Variants in MRPL30 observed in about 807,000 individuals in gnomAD.
MRPL30 encodes mitochondrial ribosomal protein L30.
Under a neutral mutation model 17.2 loss-of-function variants are expected in MRPL30, and 10 were observed. That is an observed-to-expected ratio of 0.58 (90% CI 0.36 to 0.99). The LOEUF (loss-of-function observed/expected upper bound fraction) is 0.99. Among genes scored for constraint, MRPL30 ranks in the 50% least tolerant of loss-of-function variants. The pLI is 0.01. For missense variants in MRPL30, 170 were observed against 189.8 expected, an observed-to-expected ratio of 0.90 and a Z score of 0.61; for synonymous variants, 61 against 62.1, an observed-to-expected ratio of 0.98 and a Z score of 0.08.
intron 3 of MRPL30, among the ~76,000 whole-genome samples, chr2:99,191,854 G>A (rs1266181183): frequency 5.3e-5 from 8 of 152,040 alleles, no homozygotes; most frequent in Non-Finnish European, 2.9e-5. Context: ...TACTTTTCGT[G>A]CTTTTTTCTA....
chr2:99,186,312 T>C, intron 2 of MRPL30, 58 bp downstream of exon 2: 1 of 1,482,084 alleles, frequency 6.7e-7, no homozygotes, highest in Non-Finnish European at 9.4e-7. Flanking sequence ...TTTTTTTTAA[T>C]CATTACAAGG....
At position 99,196,118 on chromosome 2, in the gene MRPL30, C is replaced by T; in HGVS notation, c.*413C>T. ...AAAATTTTTTTTTCACTGACTAAAC[C>T]TGCTGCAGCTCTCTTTTACTACAGA... is the stretch of plus-strand genomic sequence containing the variant. On this transcript the variant is annotated 3_prime_UTR_variant, in exon 6 of 6. Transcript: ENST00000338148. The T allele has an allele frequency of 5.4e-6, 1 of 184,534 alleles. No homozygotes were observed. The highest frequency in any genetic ancestry group is 9.8e-5 in the South Asian group (1 of 10,196). 11.4% of individuals were successfully genotyped at this position (184,534 alleles called of 1,614,324 possible).
intron 2 of MRPL30, among the ~76,000 whole-genome samples, chr2:99,187,763 G>C (rs965925797): frequency 6.6e-6 from 1 of 152,154 alleles, no homozygotes; most frequent in Non-Finnish European, 1.5e-5. Flanking sequence ...AGGAGGCAGA[G>C]GTTGCAGTGA....
chr2:99,188,155 A>G, intron 2 of MRPL30, 22 bp from the exon 3 acceptor site: 1 of 1,538,146 alleles, frequency 6.5e-7, no homozygotes, highest in Non-Finnish European at 8.8e-7. Context: ...CTAAAAAACA[A>G]ATGATTTATA....
chr2:99,188,514 A>G (rs892692828), intron 3 of MRPL30, among the ~76,000 whole-genome samples: 1 of 152,118 alleles, frequency 6.6e-6, no homozygotes. Flanking sequence ...TGGTTTGTAC[A>G]TGTGTGTTGG....
intron 1 of MRPL30, 133 bp from the exon 2 acceptor site, chr2:99,186,044 A>G (rs753329670): frequency 5.9e-5 from 36 of 611,408 alleles, no homozygotes; most frequent in Non-Finnish European, 9.4e-5. Flanking sequence ...CCCTTATTAT[A>G]TTAAAATAAC....
chr2:99,191,317 C>G (rs1220832800), intron 3 of MRPL30, among the ~76,000 whole-genome samples: 2 of 152,154 alleles, frequency 1.3e-5, no homozygotes, highest in East Asian at 3.9e-4. Flanking sequence ...TGCCTATCGT[C>G]TGAACTTATT....
intron 1 of MRPL30, chr2:99,185,896 A>T (rs1291238040): frequency 1.8e-5 from 8 of 441,010 alleles, no homozygotes; most frequent in Admixed American, 3.2e-5. Flanking sequence ...ATCTGCCTTC[A>T]TTGTTGAAGA....
At chr2:99,181,400 G>T (rs909107855) in intron 1 of MRPL30, among the ~76,000 whole-genome samples, 151 bp downstream of exon 1, 3 of 152,118 alleles carry the variant, frequency 2.0e-5, no homozygotes, top group Non-Finnish European at 4.4e-5. Context: ...CGTCACATTG[G>T]CTCCCGTAAG....
intron 2 of MRPL30, among the ~76,000 whole-genome samples, chr2:99,187,771 T>C (rs2093936423): frequency 6.6e-6 from 1 of 151,634 alleles, no homozygotes; most frequent in South Asian, 2.1e-4. Context: ...GAGGTTGCAG[T>C]GAGCCGAGAT....
chr2:99,182,906 A>G (rs1010714511), intron 1 of MRPL30, among the ~76,000 whole-genome samples: 4 of 152,232 alleles, frequency 2.6e-5, no homozygotes, highest in African/African-American at 9.6e-5. Context: ...CATGCACTAA[A>G]CAACAAAACC....
chr2:99,194,880 A>T lies in MRPL30; in HGVS notation c.262A>T (p.Met88Leu), dbSNP rs1352886655. Residue 88 changes from methionine (M) to leucine (L), a missense_variant, in exon 4 of 6, where the codon ATG becomes TTG. Met to Leu is a conservative substitution (Grantham distance 15). Transcript: ENST00000338148. ...ATATTGGGAAAAAGATATAATAAAG[A>T]TGCTTGGATTAGAAAAAGTATGCAA... ...RPYWEKDIIK[M>L]LGLEKAHTPQ... 1.3e-6 allele frequency: 2 copies of T among 1,571,398 alleles called. No homozygotes were observed. Among genetic ancestry groups the T allele is most frequent in the Non-Finnish European group, 8.6e-7 (1 of 1,162,232 alleles).
At chr2:99,181,420 C>A (rs990633837) in intron 1 of MRPL30, among the ~76,000 whole-genome samples, 171 bp downstream of exon 1, 1 of 152,170 alleles carries the variant, frequency 6.6e-6, no homozygotes, top group African/African-American at 2.4e-5. Context: ...GGCCATTGGC[C>A]TGCAGGATCC....
chr2:99,193,429 A>G (rs1190102849), intron 3 of MRPL30, among the ~76,000 whole-genome samples: 2 of 152,192 alleles, frequency 1.3e-5, no homozygotes, highest in Non-Finnish European at 2.9e-5. Flanking sequence ...TTAAAATACC[A>G]TCTTTTTGGG....
At position 99,197,332 on chromosome 2, in the gene MRPL30, A is replaced by G. The variant is rs1168032540; in HGVS notation, c.*1627A>G. On this transcript the variant is annotated 3_prime_UTR_variant, in exon 6 of 6. Transcript: ENST00000338148. ...TGACATTGTCATGCTTATTGTCCCAATATCCATCCTGTCGTAGATCTTAAT... is the reference window on the plus strand; with the variant it reads ...TGACATTGTCATGCTTATTGTCCCAGTATCCATCCTGTCGTAGATCTTAAT... 2 of 152,236 alleles carry G rather than the reference A, an allele frequency of 1.3e-5. No individual in the cohort carries two copies. The highest frequency in any genetic ancestry group is 2.4e-5 in the African/African-American group (1 of 41,442). 9.4% of individuals were successfully genotyped at this position (152,236 alleles called of 1,614,324 possible). A position where few individuals can be genotyped will look rare whatever the true frequency, so the allele number is the denominator to read the frequency against.
intron 3 of MRPL30, among the ~76,000 whole-genome samples, chr2:99,190,885 C>T (rs1004941967): frequency 1.3e-4 from 20 of 152,114 alleles, no homozygotes; most frequent in Non-Finnish European, 2.6e-4. Flanking sequence ...ATGTAACAAA[C>T]CTGCACATCC....
chr2:99,184,101 T>G (rs1474220504), intron 1 of MRPL30, among the ~76,000 whole-genome samples: 1 of 152,240 alleles, frequency 6.6e-6, no homozygotes, highest in Non-Finnish European at 1.5e-5. Context: ...TTTATTTATT[T>G]TGGTTTGGAT....
At chr2:99,186,622 G>A (rs574883930) in intron 2 of MRPL30, among the ~76,000 whole-genome samples, 4 of 152,232 alleles carry the variant, frequency 2.6e-5, no homozygotes, top group South Asian at 2.1e-4. Context: ...GTTCCTTTTC[G>A]AAATGGTTTA....
chr2:99,190,583 A>G (rs1055063494), intron 3 of MRPL30, among the ~76,000 whole-genome samples: 2 of 152,070 alleles, frequency 1.3e-5, no homozygotes, highest in Non-Finnish European at 2.9e-5. Context: ...AATCTTTTTT[A>G]TTTTTCAAGT....
Sources: gnomAD v4.1 joint callset for allele counts (sites outside exome capture counted in the v4.1 genomes callset) on GRCh38, gnomAD v4.1.1 for gene constraint, MANE v1.5 for transcripts, NCBI Gene and HGNC (gene_info 2026-07-23, HGNC 2026-07-21) for gene names.